The following FBXL20 variants were observed in gnomAD, a reference collection of about 807,000 sequenced individuals.
FBXL20 encodes F-box/LRR-repeat protein 20.
In FBXL20, 11 loss-of-function variants were observed where a neutral mutation model predicts 64.0. That is an observed-to-expected ratio of 0.17 (90% confidence interval 0.11 to 0.28). The LOEUF is 0.28. Ranked by LOEUF, FBXL20 falls within the 10% of genes least tolerant of loss-of-function variation. The probability of loss-of-function intolerance (pLI) is 1.00; values close to 1 mark genes in which losing one functional copy is unlikely to be tolerated. For synonymous variants in FBXL20, 184 were observed against 189.0 expected, an observed-to-expected ratio of 0.97 and a Z score of 0.22; for missense variants, 303 against 526.2, an observed-to-expected ratio of 0.58 and a Z score of 4.15.
At chr17:39,265,507 T>C (rs1834376357) in intron 12 of FBXL20, 54 bp from the exon 13 acceptor site, 2 of 1,352,938 alleles carry the variant, frequency 1.5e-6, no homozygotes, top group Non-Finnish European at 2.1e-6. Flanking sequence ...AAATCCTGAG[T>C]CATACCTGAT....
intron 12 of FBXL20, among the ~76,000 whole-genome samples, chr17:39,268,268 G>C (rs955485496): frequency 1.3e-5 from 2 of 152,264 alleles, no homozygotes; most frequent in Admixed American, 1.3e-4. Flanking sequence ...CAGGAGAATT[G>C]CTTGAATCTG....
At chr17:39,272,937 C>T (rs977206034) in intron 10 of FBXL20, among the ~76,000 whole-genome samples, 2 of 152,076 alleles carry the variant, frequency 1.3e-5, no homozygotes, top group East Asian at 1.9e-4. Context: ...GTTTGATTAC[C>T]TCCCCAGCTC....
intron 1 of FBXL20, among the ~76,000 whole-genome samples, chr17:39,400,687 G>C (rs1208605284): frequency 6.6e-6 from 1 of 152,118 alleles, no homozygotes; most frequent in Non-Finnish European, 1.5e-5. Context: ...CTCGCTAGAG[G>C]AGAAAAAGTT....
chr17:39,318,560 G>A (rs1463530006), intron 2 of FBXL20, among the ~76,000 whole-genome samples: 21 of 152,084 alleles, frequency 1.4e-4, no homozygotes, highest in Admixed American at 1.4e-3. Context: ...GACGAACATG[G>A]AGAAACCCTG....
At chr17:39,304,276 G>C (rs2047162079) in intron 2 of FBXL20, among the ~76,000 whole-genome samples, 1 of 151,946 alleles carries the variant, frequency 6.6e-6, no homozygotes, top group South Asian at 2.1e-4. Context: ...GAAGCCAGGG[G>C]AAGGATCTTT....
intron 9 of FBXL20, among the ~76,000 whole-genome samples, chr17:39,278,437 T>C (rs1339415203): frequency 2.6e-5 from 4 of 151,930 alleles, no homozygotes; most frequent in Non-Finnish European, 5.9e-5. Flanking sequence ...CGCGCGTGTG[T>C]GCACACATAC....
intron 1 of FBXL20, among the ~76,000 whole-genome samples, chr17:39,367,930 A>G (rs1010602850): frequency 6.8e-6 from 1 of 147,414 alleles, no homozygotes; most frequent in South Asian, 2.2e-4. Context: ...CACCCAGCTA[A>G]TTTTTTTTTT....
At chr17:39,282,360 A>T (rs1434894687) in intron 8 of FBXL20, among the ~76,000 whole-genome samples, 2 of 152,192 alleles carry the variant, frequency 1.3e-5, no homozygotes, top group Non-Finnish European at 2.9e-5. Flanking sequence ...TTAAAAAACA[A>T]GTGGAAATTG....
At position 39,255,549 on chromosome 17, in the gene FBXL20, A is replaced by G. The variant is rs1452768749; in HGVS notation, c.*5911T>C. ...TCTTATGGTACTTTCAGGCAGGTAG[A>G]ATGTTTATCCTGGGCTGGGCGCAGT... On this transcript the variant is annotated 3_prime_UTR_variant, in exon 15 of 15. Transcript: ENST00000264658. 1 of 151,952 alleles carries G rather than the reference A, an allele frequency of 6.6e-6. No individual in the cohort carries two copies. The highest frequency in any genetic ancestry group is 6.6e-5 in the Admixed American group (1 of 15,246). The allele number at this position is 151,952 out of a possible 1,614,324, so 9.4% of individuals were successfully genotyped here.
chr17:39,397,257 A>G (rs749796016), intron 1 of FBXL20, among the ~76,000 whole-genome samples: 1 of 152,206 alleles, frequency 6.6e-6, no homozygotes, highest in Non-Finnish European at 1.5e-5. Context: ...CAAATATTAC[A>G]TGCTAGGGTT....
At chr17:39,370,941 G>A (rs1234002789) in intron 1 of FBXL20, among the ~76,000 whole-genome samples, 2 of 152,094 alleles carry the variant, frequency 1.3e-5, no homozygotes, top group African/African-American at 2.4e-5. Context: ...TTGTCAGACC[G>A]AGGGTGTTGG....
chr17:39,336,094 AAC>A (rs975913501), intron 2 of FBXL20, among the ~76,000 whole-genome samples: 60 of 152,098 alleles, frequency 3.9e-4, no homozygotes, highest in African/African-American at 1.4e-3. Context: ...CAGCCTAGGC[AAC>A]AGAGTGAGAG....
At chr17:39,262,367 C>T (rs1010403186) in intron 14 of FBXL20, among the ~76,000 whole-genome samples, 3 of 152,016 alleles carry the variant, frequency 2.0e-5, no homozygotes, top group Admixed American at 6.6e-5. Flanking sequence ...CTGCAACCTC[C>T]GCCTCCTGGT....
chr17:39,356,895 C>G (rs751656878), intron 1 of FBXL20, among the ~76,000 whole-genome samples: 7 of 151,188 alleles, frequency 4.6e-5, no homozygotes, highest in Non-Finnish European at 1.0e-4. Context: ...AACTCCTAAA[C>G]TCAAGAGCTC....
intron 6 of FBXL20, among the ~76,000 whole-genome samples, chr17:39,294,848 C>CT (rs1351374104): frequency 6.6e-6 from 1 of 152,038 alleles, no homozygotes; most frequent in African/African-American, 2.4e-5. Flanking sequence ...CCTGTCTCTA[C>CT]TAAAAATACA....
At chr17:39,312,544 A>G (rs959604700) in intron 2 of FBXL20, among the ~76,000 whole-genome samples, 1 of 114,792 alleles carries the variant, frequency 8.7e-6, no homozygotes, top group Admixed American at 9.3e-5. Flanking sequence ...ATTTGCTATT[A>G]TTTAGCAACC....
rs558761063 is a variant in FBXL20 at position 39,269,745 on chromosome 17, C to A, written c.889-874G>T. Among the ~76,000 whole-genome samples, 6 of 148,292 alleles carry A rather than the reference C, an allele frequency of 4.0e-5. No individual in the cohort carries two copies. In the East Asian group the frequency reaches 1.0e-3, roughly 25 times the overall value. ...ACTCCTGACCTCAGGTGATCCACCC[C>A]CCTTGGCCTCCCCAAGTGCTGGGAT... is the stretch of plus-strand genomic sequence containing the variant. On this transcript the variant is annotated intron_variant, in intron 11 of 14. Coordinates refer to ENST00000264658, the MANE Select transcript of FBXL20 (RefSeq NM_032875.3).
intron 7 of FBXL20, among the ~76,000 whole-genome samples, chr17:39,284,240 A>G (rs189979494): frequency 1.8e-4 from 28 of 152,362 alleles, no homozygotes; most frequent in African/African-American, 5.8e-4. Flanking sequence ...TTATGTGAAA[A>G]TATTTTATAA....
At chr17:39,372,031 TG>T (rs1395591094) in intron 1 of FBXL20, among the ~76,000 whole-genome samples, 2 of 152,214 alleles carry the variant, frequency 1.3e-5, no homozygotes, top group Non-Finnish European at 2.9e-5. Context: ...AATCATGACC[TG>T]CCTCTTGCCA....
Sources: gnomAD v4.1 joint callset for allele counts (sites outside exome capture counted in the v4.1 genomes callset) on GRCh38, gnomAD v4.1.1 for gene constraint, MANE v1.5 for transcripts, NCBI Gene and HGNC (gene_info 2026-07-23, HGNC 2026-07-21) for gene names.